The following GRIP1 variants were observed in gnomAD, a reference collection of about 807,000 sequenced individuals.
GRIP1 encodes glutamate receptor-interacting protein 1.
In GRIP1, 45 loss-of-function variants were observed where a neutral mutation model predicts 129.9. The observed-to-expected ratio is 0.35, with a 90% CI of 0.27 to 0.44. GRIP1 has a LOEUF of 0.44. GRIP1 is among the 20% of genes least tolerant of loss of function. GRIP1 has a pLI of 1.00. For synonymous variants in GRIP1, 530 were observed against 520.8 expected (o/e 1.02, Z -0.24); for missense variants, 1,196 against 1,396.8 (o/e 0.86, Z 2.29).
chr12:66,900,358 C>T (rs2040824387), intron 1 of GRIP1, among the ~76,000 whole-genome samples: 1 of 152,180 alleles, frequency 6.6e-6, no homozygotes, highest in Non-Finnish European at 1.5e-5. Flanking sequence ...AGAGAGCTCA[C>T]TCTCTCCTTC....
chr12:67,067,270 C>T (rs1478291920), intron 1 of GRIP1, among the ~76,000 whole-genome samples: 1 of 152,058 alleles, frequency 6.6e-6, no homozygotes, highest in Non-Finnish European at 1.5e-5. Flanking sequence ...TTCCAAAAGA[C>T]ATACAAGTAC....
At chr12:66,691,978 A>G (rs1449607013) in intron 1 of GRIP1, among the ~76,000 whole-genome samples, 1 of 152,234 alleles carries the variant, frequency 6.6e-6, no homozygotes, top group Non-Finnish European at 1.5e-5. Flanking sequence ...TTTAAAAAAT[A>G]AAAGGTATCT....
chr12:66,460,740 G>T (rs1352633419), intron 9 of GRIP1, among the ~76,000 whole-genome samples: 2 of 152,146 alleles, frequency 1.3e-5, no homozygotes, highest in Non-Finnish European at 2.9e-5. Flanking sequence ...CACTGTTCAG[G>T]CATCAGAGAT....
intron 1 of GRIP1, among the ~76,000 whole-genome samples, chr12:66,853,274 C>G (rs1386491107): frequency 2.0e-5 from 3 of 151,840 alleles, no homozygotes; most frequent in African/African-American, 7.3e-5. Flanking sequence ...AAATCTTTCT[C>G]ATGTGGGGCA....
intron 1 of GRIP1, among the ~76,000 whole-genome samples, chr12:66,669,933 T>G (rs1445774920): frequency 6.6e-6 from 1 of 152,206 alleles, no homozygotes; most frequent in Non-Finnish European, 1.5e-5. Flanking sequence ...AATTGCAAAT[T>G]TATATAATTT....
chr12:66,870,828 C>G (rs991506860), intron 1 of GRIP1, among the ~76,000 whole-genome samples: 4 of 152,082 alleles, frequency 2.6e-5, no homozygotes, highest in African/African-American at 7.2e-5. Context: ...AGGGCCACTC[C>G]ATTTCAAAGC....
chr12:66,785,877 T>C (rs1473469953), intron 1 of GRIP1, among the ~76,000 whole-genome samples: 1 of 146,536 alleles, frequency 6.8e-6, no homozygotes, highest in Non-Finnish European at 1.5e-5. Flanking sequence ...AGGCCAGGAG[T>C]TTGAGACCAG....
chr12:66,359,839 G>C (rs1356511509), intron 23 of GRIP1, among the ~76,000 whole-genome samples: 1 of 152,178 alleles, frequency 6.6e-6, no homozygotes, highest in East Asian at 1.9e-4. Context: ...TCTCAAACCA[G>C]TAGCAATGAA....
intron 1 of GRIP1, among the ~76,000 whole-genome samples, chr12:66,639,766 C>T (rs981062329): frequency 1.3e-5 from 2 of 152,108 alleles, no homozygotes; most frequent in Admixed American, 6.6e-5. Context: ...ATCCTCATTG[C>T]CATTTTTCTA....
intron 13 of GRIP1, among the ~76,000 whole-genome samples, chr12:66,433,963 CTG>C (rs2058225684): frequency 6.6e-6 from 1 of 152,148 alleles, no homozygotes; most frequent in Admixed American, 6.5e-5. Context: ...ACATTTGAGT[CTG>C]TGCAAAGTGG....
At chr12:66,447,532 A>T (rs2058666027) in intron 11 of GRIP1, among the ~76,000 whole-genome samples, 1 of 152,230 alleles carries the variant, frequency 6.6e-6, no homozygotes. Flanking sequence ...AGAGTTCCTT[A>T]AACAACATTC....
At chr12:66,660,735 G>C (rs777327312) in intron 1 of GRIP1, among the ~76,000 whole-genome samples, 5 of 152,054 alleles carry the variant, frequency 3.3e-5, no homozygotes, top group Non-Finnish European at 4.4e-5. Flanking sequence ...TTGTCAATTT[G>C]CTTTTATTCA....
At chr12:66,836,490 AG>A (rs945036951) in intron 1 of GRIP1, among the ~76,000 whole-genome samples, 2 of 152,214 alleles carry the variant, frequency 1.3e-5, no homozygotes, top group African/African-American at 4.8e-5. Flanking sequence ...TGGAGTAGAA[AG>A]GTCACTAAAA....
intron 1 of GRIP1, among the ~76,000 whole-genome samples, chr12:66,856,727 G>T (rs796416898): frequency 6.6e-6 from 1 of 151,398 alleles, no homozygotes; most frequent in South Asian, 2.1e-4. Flanking sequence ...GAAACAACAG[G>T]TGCTGGAGAG....
chr12:66,804,031 G>A (rs1386364128), intron 1 of GRIP1: 1 of 441,454 alleles, frequency 2.3e-6, no homozygotes, highest in Non-Finnish European at 4.6e-6. Context: ...GAAGGAACCG[G>A]AGGATGGAGA....
chr12:66,498,254 T>C (rs2060293258), intron 7 of GRIP1, among the ~76,000 whole-genome samples: 1 of 152,012 alleles, frequency 6.6e-6, no homozygotes, highest in Non-Finnish European at 1.5e-5. Flanking sequence ...GTCAGTGGAG[T>C]GGGACAAATA....
intron 13 of GRIP1, among the ~76,000 whole-genome samples, chr12:66,437,543 CTTAT>C (rs2058347262): frequency 6.6e-6 from 1 of 152,148 alleles, no homozygotes; most frequent in Non-Finnish European, 1.5e-5. Flanking sequence ...TTTCCTGTCC[CTTAT>C]CAAGTAAGCT....
rs112246603 is a variant in GRIP1, at chr12:66,948,971, T to C, written c.58+120079A>G. ...TGGTTATAAATTACTAAAGATGTGT[T>C]ACAGCTAAAAGTCTAAACTAAAAGC... On this transcript the variant is annotated intron_variant, in intron 1 of 1. Transcript: ENST00000643019. Among the ~76,000 whole-genome samples, 897 of 152,268 alleles carry C rather than the reference T, an allele frequency of 5.9e-3. 4 individuals carry two copies. The highest frequency in any genetic ancestry group is 9.6e-3 in the Non-Finnish European group (655 of 68,022).
At chr12:66,425,912 T>C (rs2057970447) in intron 14 of GRIP1, among the ~76,000 whole-genome samples, 1 of 152,094 alleles carries the variant, frequency 6.6e-6, no homozygotes. Flanking sequence ...ACATGGCACA[T>C]GTATACATAT....
Sources: allele counts gnomAD v4.1 joint callset (sites outside exome capture counted in the v4.1 genomes callset), GRCh38; gene constraint gnomAD v4.1.1; transcripts MANE v1.5; gene names NCBI Gene and HGNC (gene_info 2026-07-23, HGNC 2026-07-21).